The following CNTNAP3B variants were observed in gnomAD, a reference collection of about 807,000 sequenced individuals.
The protein encoded by CNTNAP3B is contactin-associated protein-like 3B.
A neutral mutation model predicts 108.9 loss-of-function variants in CNTNAP3B; 25 were observed. The ratio of observed to expected loss-of-function variants is 0.23; its 90% CI spans 0.17 to 0.32. The LOEUF is 0.32. Ranked by LOEUF, CNTNAP3B falls within the 10% of genes least tolerant of loss-of-function variation. The pLI is 1.00. For synonymous variants in CNTNAP3B, 103 were observed against 473.4 expected, an observed-to-expected ratio of 0.22 and a Z score of 10.16; for missense variants, 252 against 1,210.4, an observed-to-expected ratio of 0.21 and a Z score of 11.75.
intron 1 of CNTNAP3B, among the ~76,000 whole-genome samples, chr9:42,117,993 G>A (rs1275036999): frequency 1.5e-5 from 2 of 133,740 alleles, no homozygotes; most frequent in African/African-American, 3.0e-5. Flanking sequence ...TTGAATCTCT[G>A]AATAGACCAA....
chr9:41,942,139 AG>A (rs1464149442), intron 13 of CNTNAP3B, among the ~76,000 whole-genome samples: 3 of 152,282 alleles, frequency 2.0e-5, no homozygotes, highest in Non-Finnish European at 4.4e-5. Flanking sequence ...GTCACAGTCC[AG>A]GAAGACAGGT....
intron 13 of CNTNAP3B, among the ~76,000 whole-genome samples, chr9:41,950,329 T>G (rs1482084602): frequency 3.2e-5 from 4 of 126,322 alleles, no homozygotes; most frequent in Non-Finnish European, 6.8e-5. Flanking sequence ...TTTGGCAGCT[T>G]TTTATAAAAC....
chr9:41,938,908 G>A (rs1033790708), intron 13 of CNTNAP3B, among the ~76,000 whole-genome samples: 4 of 152,196 alleles, frequency 2.6e-5, no homozygotes, highest in African/African-American at 9.7e-5. Context: ...TGTTTTTATT[G>A]CATTGGATGT....
intron 10 of CNTNAP3B, among the ~76,000 whole-genome samples, chr9:41,965,240 C>A (rs1466138790): frequency 1.3e-5 from 2 of 152,302 alleles, no homozygotes; most frequent in Non-Finnish European, 2.9e-5. Context: ...AATCTCAATG[C>A]CTTTTTTTGC....
chr9:41,955,726 C>A (rs1468537872), intron 12 of CNTNAP3B, among the ~76,000 whole-genome samples: 1 of 152,302 alleles, frequency 6.6e-6, no homozygotes, highest in Non-Finnish European at 1.5e-5. Flanking sequence ...GAGGCTGTCT[C>A]ACTAGCCCAG....
chr9:41,982,395 GC>G (rs1825646606), intron 9 of CNTNAP3B, among the ~76,000 whole-genome samples: 1 of 112,282 alleles, frequency 8.9e-6, no homozygotes, highest in Non-Finnish European at 1.7e-5. Context: ...TAAAAAACGG[GC>G]AAAGGACGTG....
intron 13 of CNTNAP3B, among the ~76,000 whole-genome samples, chr9:41,943,974 C>G (rs1008076105): frequency 9.2e-5 from 14 of 152,168 alleles, no homozygotes; most frequent in Non-Finnish European, 2.9e-5. Flanking sequence ...TACATAGGAG[C>G]AAGAATGAGA....
At chr9:42,052,004 TGAAA>T (rs1228966121) in intron 3 of CNTNAP3B, among the ~76,000 whole-genome samples, 1 of 150,592 alleles carries the variant, frequency 6.6e-6, no homozygotes, top group Non-Finnish European at 1.5e-5. Context: ...TTCAAGGCTC[TGAAA>T]GAAAGACAAG....
Position 41,943,440 on chromosome 9 carries a change from C to T in CNTNAP3B, c.2081-5040G>A, listed in dbSNP as rs1011933978. Among the ~76,000 whole-genome samples, 4 of 151,390 alleles carry T rather than the reference C, an allele frequency of 2.6e-5. No individual in the cohort carries two copies. The East Asian group carries it at 5.8e-4, about 22-fold the overall frequency. On this transcript the variant is annotated intron_variant, in intron 13 of 23. Transcript: ENST00000377561. ...CAATCTCGGCTCACTGCAAGCTCCGCCTCCTGGGTTCACGCCATTCTCCTG... is the reference window on the plus strand; with the variant it reads ...CAATCTCGGCTCACTGCAAGCTCCGTCTCCTGGGTTCACGCCATTCTCCTG...
intron 13 of CNTNAP3B, among the ~76,000 whole-genome samples, chr9:41,942,206 T>C (rs1168465946): frequency 2.0e-5 from 3 of 152,300 alleles, no homozygotes; most frequent in Non-Finnish European, 4.4e-5. Context: ...CCGGGCGCGG[T>C]GGCTCACGCC....
chr9:41,948,950 T>C (rs1824606875), intron 13 of CNTNAP3B, among the ~76,000 whole-genome samples: 1 of 97,556 alleles, frequency 1.0e-5, no homozygotes, highest in African/African-American at 3.8e-5. Context: ...GAAAAATAAA[T>C]TAACTCCCTA....
chr9:42,094,718 G>A (rs1289958800), intron 2 of CNTNAP3B, among the ~76,000 whole-genome samples: 1 of 85,796 alleles, frequency 1.2e-5, no homozygotes, highest in African/African-American at 4.7e-5. Context: ...AAAAAAGCAA[G>A]GAAGGAAGGA....
intron 9 of CNTNAP3B, chr9:41,979,952 T>C (rs1825595631): frequency 8.9e-6 from 1 of 112,018 alleles, no homozygotes; most frequent in Non-Finnish European, 1.7e-5. Context: ...ACCTTTTTTT[T>C]TTTTTTTTTT....
intron 1 of CNTNAP3B, among the ~76,000 whole-genome samples, chr9:42,111,672 C>T (rs1828195517): frequency 7.2e-6 from 1 of 138,480 alleles, no homozygotes; most frequent in Non-Finnish European, 1.5e-5. Context: ...TTTTGGTCAC[C>T]TGAAACTGAA....
chr9:42,094,541 G>A (rs1827862504), intron 2 of CNTNAP3B, among the ~76,000 whole-genome samples: 1 of 131,408 alleles, frequency 7.6e-6, no homozygotes, highest in Non-Finnish European at 1.6e-5. Flanking sequence ...TGTGGTCCCA[G>A]CTACTCGGGA....
chr9:41,942,814 T>G (rs1349880743), intron 13 of CNTNAP3B, among the ~76,000 whole-genome samples: 1 of 151,830 alleles, frequency 6.6e-6, no homozygotes, highest in African/African-American at 2.4e-5. Context: ...AAAATAACCT[T>G]AGAGGAAATT....
intron 9 of CNTNAP3B, among the ~76,000 whole-genome samples, chr9:41,970,989 A>C (rs1445149491): frequency 6.6e-6 from 1 of 151,396 alleles, no homozygotes; most frequent in African/African-American, 2.5e-5. Flanking sequence ...GAAAGAGATA[A>C]AATAGACATT....
At chr9:41,969,781 C>G (rs1373394438) in intron 10 of CNTNAP3B, among the ~76,000 whole-genome samples, 2 of 100,012 alleles carry the variant, frequency 2.0e-5, no homozygotes, top group South Asian at 2.9e-4. Context: ...CCACGCCTGG[C>G]TAATTTTTTT....
chr9:42,124,118 T>A (rs1304263385), intron 1 of CNTNAP3B, among the ~76,000 whole-genome samples: 2 of 139,156 alleles, frequency 1.4e-5, no homozygotes, highest in Admixed American at 1.4e-4. Flanking sequence ...GGCATGCTAC[T>A]TAAATCACAA....
Sources: allele counts gnomAD v4.1 joint callset (sites outside exome capture counted in the v4.1 genomes callset), GRCh38; gene constraint gnomAD v4.1.1; transcripts MANE v1.5; gene names NCBI Gene and HGNC (gene_info 2026-07-23, HGNC 2026-07-21).